Variants in GASK1A observed in about 807,000 individuals in gnomAD.
GASK1A encodes golgi associated kinase 1A.
A neutral mutation model predicts 41.2 loss-of-function variants in GASK1A; 40 were observed. The observed-to-expected ratio is 0.97, with a 90% CI of 0.75 to 1.27. The LOEUF is 1.27. GASK1A is among the 50% of genes most tolerant of loss of function. GASK1A has a pLI of 0.00. For synonymous variants in GASK1A, 316 were observed against 307.1 expected, an observed-to-expected ratio of 1.03 and a Z score of -0.30; for missense variants, 678 against 745.1, an observed-to-expected ratio of 0.91 and a Z score of 1.05.
chr3:43,021,899 G>A (rs987414615), intron 1 of GASK1A, among the ~76,000 whole-genome samples: 1 of 152,208 alleles, frequency 6.6e-6, no homozygotes, highest in Non-Finnish European at 1.5e-5. Context: ...ATTAAGGAGG[G>A]GTATTGGTGA....
intron 1 of GASK1A, among the ~76,000 whole-genome samples, chr3:42,999,521 A>T (rs1266707132): frequency 6.6e-6 from 1 of 152,118 alleles, no homozygotes; most frequent in African/African-American, 2.4e-5. Flanking sequence ...GCCCACCCTG[A>T]TGTACTCAGA....
chr3:43,026,367 A>C (rs182944221), intron 1 of GASK1A, among the ~76,000 whole-genome samples: 35 of 152,334 alleles, frequency 2.3e-4, no homozygotes, highest in African/African-American at 8.4e-4. Context: ...CAACTCATAC[A>C]ATAAAAACAG....
At chr3:43,013,307 C>T (rs914033889) in intron 1 of GASK1A, among the ~76,000 whole-genome samples, 8 of 150,608 alleles carry the variant, frequency 5.3e-5, no homozygotes, top group Non-Finnish European at 1.2e-4. Flanking sequence ...TCTGTGAATC[C>T]ACAGGAAGGG....
intron 2 of GASK1A, chr3:43,037,068 C>T (rs2089608271): frequency 9.2e-6 from 5 of 544,918 alleles, no homozygotes; most frequent in Non-Finnish European, 1.6e-5. Flanking sequence ...TAAGAGCATG[C>T]TCACTCTTGG....
rs114240430 is a variant in GASK1A, at chr3:43,042,019, C to T, written c.1290+8466C>T. On this transcript the variant is annotated intron_variant, in intron 2 of 4. Coordinates refer to ENST00000430121, the MANE Select transcript of GASK1A (RefSeq NM_001129908.3). ...CAGCAGGTTGCTCTTCTGGAGTCTA[C>T]GAGACCCAGATCAGGCACTGCTTGA... Among the ~76,000 whole-genome samples, 347 of 152,184 alleles carry T rather than the reference C, an allele frequency of 2.3e-3. 1 individual carries two copies. Among genetic ancestry groups the T allele is most frequent in the Middle Eastern group, 0.01 (3 of 294 alleles).
chr3:43,008,213 C>G (rs538994767), intron 1 of GASK1A, among the ~76,000 whole-genome samples: 2 of 152,308 alleles, frequency 1.3e-5, no homozygotes, highest in South Asian at 4.1e-4. Context: ...ACCTCCCTTC[C>G]AGGGAGGTTG....
chr3:43,029,120 C>T (rs540957975), intron 1 of GASK1A, among the ~76,000 whole-genome samples: 2 of 152,166 alleles, frequency 1.3e-5, no homozygotes, highest in Admixed American at 6.5e-5. Context: ...TTAAGTGGTC[C>T]CTCCAGCAGC....
intron 1 of GASK1A, among the ~76,000 whole-genome samples, chr3:43,009,683 C>A (rs1461752199): frequency 6.6e-6 from 1 of 152,354 alleles, no homozygotes; most frequent in African/African-American, 2.4e-5. Context: ...CAACATCCTT[C>A]TAGCCATAAC....
In GASK1A at chr3:43,018,329, A is replaced by G. The variant is rs1040290261; in HGVS notation, c.4-13938A>G. On this transcript the variant is annotated intron_variant, in intron 1 of 4. Coordinates refer to ENST00000430121, the MANE Select transcript of GASK1A (RefSeq NM_001129908.3). ...GTAGGATTTTGAGAGTTCCTGGCGC[A>G]TGGCATGTGCTCAATAAGTGGTCAT... 1.1e-4 allele frequency among the ~76,000 whole-genome samples: 16 copies of G among 152,310 alleles called. No homozygotes were observed. The East Asian group carries it at 2.9e-3, about 28-fold the overall frequency.
intron 1 of GASK1A, among the ~76,000 whole-genome samples, chr3:42,998,491 C>T (rs948595991): frequency 4.6e-5 from 7 of 152,094 alleles, no homozygotes; most frequent in African/African-American, 1.4e-4. Flanking sequence ...TTATTATGTC[C>T]CTGCGACTTT....
intron 2 of GASK1A, among the ~76,000 whole-genome samples, chr3:43,052,029 C>T (rs983923442): frequency 8.5e-5 from 13 of 152,122 alleles, no homozygotes; most frequent in Admixed American, 7.9e-4. Flanking sequence ...AGATACCTAC[C>T]AGTCATTGTC....
intron 2 of GASK1A, among the ~76,000 whole-genome samples, chr3:43,040,874 C>CCT (rs1553615981): frequency 1.5e-5 from 1 of 64,806 alleles, no homozygotes; most frequent in Admixed American, 1.9e-4. Context: ...CAATGCTATC[C>CCT]CTCCCCCCCG....
At chr3:42,994,923 A>G (rs1169798743) in intron 1 of GASK1A, among the ~76,000 whole-genome samples, 6 of 152,226 alleles carry the variant, frequency 3.9e-5, no homozygotes, top group Non-Finnish European at 7.3e-5. Flanking sequence ...GAAATGTTCT[A>G]TCCTGTGCTG....
chr3:43,002,619 TAC>T (rs2089414884), intron 1 of GASK1A, among the ~76,000 whole-genome samples: 1 of 152,212 alleles, frequency 6.6e-6, no homozygotes, highest in South Asian at 2.1e-4. Flanking sequence ...TTGTGTGAAA[TAC>T]ACATTGGATA....
chr3:42,991,929 T>TG (rs2089343145), intron 1 of GASK1A, among the ~76,000 whole-genome samples: 4 of 152,306 alleles, frequency 2.6e-5, no homozygotes, highest in South Asian at 2.1e-4. Flanking sequence ...CCGGCAAGCC[T>TG]GGCCAGTCTG....
intron 1 of GASK1A, among the ~76,000 whole-genome samples, chr3:43,025,978 T>C (rs1393138338): frequency 6.6e-6 from 1 of 152,216 alleles, no homozygotes; most frequent in East Asian, 1.9e-4. Context: ...GCCAGTTTCA[T>C]GCAGGTGCAG....
intron 1 of GASK1A, among the ~76,000 whole-genome samples, chr3:43,002,166 G>GT (rs1306886590): frequency 6.6e-6 from 1 of 152,174 alleles, no homozygotes; most frequent in African/African-American, 2.4e-5. Flanking sequence ...AGATGGTCTA[G>GT]TTTGTTTCTC....
At chr3:42,999,417 C>A (rs1210359252) in intron 1 of GASK1A, among the ~76,000 whole-genome samples, 3 of 152,216 alleles carry the variant, frequency 2.0e-5, no homozygotes, top group Non-Finnish European at 4.4e-5. Context: ...TAGCTGTCAA[C>A]CCCAAGCCTG....
chr3:43,049,602 GT>G (rs34050616), intron 2 of GASK1A, among the ~76,000 whole-genome samples: 59,651 of 151,822 alleles, frequency 0.39, 12,116 homozygotes, highest in East Asian at 0.59. Flanking sequence ...GGCTAAACTT[GT>G]TTTTTTTACT....
Sources: gnomAD v4.1 joint callset for allele counts (sites outside exome capture counted in the v4.1 genomes callset) on GRCh38, gnomAD v4.1.1 for gene constraint, MANE v1.5 for transcripts, NCBI Gene and HGNC (gene_info 2026-07-23, HGNC 2026-07-21) for gene names.